SLC9A9: variants seen among roughly 807,000 people sequenced by gnomAD.
The protein encoded by SLC9A9 is sodium/hydrogen exchanger 9.
Under a neutral mutation model 77.8 loss-of-function variants are expected in SLC9A9, and 62 were observed. The observed-to-expected ratio is 0.80, with a 90% CI of 0.65 to 0.98. SLC9A9 has a LOEUF of 0.98. Among genes scored for constraint, SLC9A9 ranks in the 50% least tolerant of loss-of-function variants. The pLI, the probability that SLC9A9 is intolerant of heterozygous loss-of-function variation, is 0.00. For missense variants in SLC9A9, 775 were observed against 774.9 expected (o/e 1.00, Z 0.00); for synonymous variants, 320 against 283.5 (o/e 1.13, Z -1.29).
chr3:143,333,982 C>T (rs1238128250), intron 14 of SLC9A9, among the ~76,000 whole-genome samples: 1 of 152,148 alleles, frequency 6.6e-6, no homozygotes, highest in Non-Finnish European at 1.5e-5. Flanking sequence ...TCCATCCCAA[C>T]TTTGATTAGA....
intron 14 of SLC9A9, among the ~76,000 whole-genome samples, chr3:143,323,940 AAAGGTTACCTAATTTTCCAATTATTTAGT>A (rs1252626335): frequency 2.6e-5 from 4 of 152,158 alleles, no homozygotes; most frequent in African/African-American, 9.7e-5. Context: ...AGTTTAAGAA[AAAGGTTACCTAATTTTCCAATTATTTAGT>A]TGGTCATATA....
chr3:143,639,537 A>G (rs2038585751), intron 6 of SLC9A9, among the ~76,000 whole-genome samples: 1 of 152,224 alleles, frequency 6.6e-6, no homozygotes, highest in Admixed American at 6.5e-5. Context: ...GGGTAGTCAT[A>G]AAAGAATCAC....
chr3:143,366,233 G>T (rs2032898190), intron 13 of SLC9A9, among the ~76,000 whole-genome samples: 1 of 152,168 alleles, frequency 6.6e-6, no homozygotes, highest in Admixed American at 6.5e-5. Context: ...CTCCCAGGCA[G>T]AATGCTAGTC....
At position 143,658,514 on chromosome 3, in the gene SLC9A9, T is replaced by G. The variant is rs560674905; in HGVS notation, c.650-6154A>C. On this transcript the variant is annotated intron_variant, in intron 5 of 15. Transcript: ENST00000316549. ...ACTTTTAAATGAGGAAAATTATTCT[T>G]TTTACATTAACTCCACTGTCACATT... 4.0e-3 allele frequency among the ~76,000 whole-genome samples: 603 copies of G among 152,328 alleles called. 4 individuals carry two copies. Among genetic ancestry groups the G allele is most frequent in the African/African-American group, 0.013 (559 of 41,570 alleles).
intron 9 of SLC9A9, among the ~76,000 whole-genome samples, chr3:143,530,013 C>T (rs2036477152): frequency 6.6e-6 from 1 of 152,120 alleles, no homozygotes. Context: ...TATTAGAACC[C>T]TGGGAAAGCA....
chr3:143,685,869 A>C (rs762899458), intron 5 of SLC9A9, among the ~76,000 whole-genome samples: 8 of 152,214 alleles, frequency 5.3e-5, no homozygotes, highest in Non-Finnish European at 1.2e-4. Flanking sequence ...ATGTTCAGCC[A>C]CTGACCACCA....
intron 6 of SLC9A9, among the ~76,000 whole-genome samples, chr3:143,581,164 T>A (rs1175662721): frequency 6.6e-6 from 1 of 152,178 alleles, no homozygotes; most frequent in East Asian, 1.9e-4. Flanking sequence ...CAAGGTAGCA[T>A]GTCATCAGAC....
In SLC9A9 at chr3:143,363,518, G is replaced by A. The variant is rs574582502; in HGVS notation, c.1570C>T (p.Arg524Trp). The change falls in exon 14 of 16, where the codon CGG becomes TGG. Residue 524 changes from arginine to tryptophan, a missense_variant. Coordinates refer to ENST00000316549, the MANE Select transcript of SLC9A9 (RefSeq NM_173653.4). ...DKNMTKAESA[R>W]LFRMWYSFDH... ...AAGCTATACCACATTCTGAAGAGCCGAGCACTCTCTGCTTTCGTCATGTTT... is the reference window on the plus strand; with the variant it reads ...AAGCTATACCACATTCTGAAGAGCCAAGCACTCTCTGCTTTCGTCATGTTT... The A allele has an allele frequency of 6.3e-5, 101 of 1,613,004 alleles. 1 individual carries two copies. In the South Asian group the frequency reaches 6.9e-4, roughly 11 times the overall value.
At chr3:143,451,817 C>A (rs146479148) in intron 12 of SLC9A9, among the ~76,000 whole-genome samples, 10 of 152,088 alleles carry the variant, frequency 6.6e-5, no homozygotes, top group African/African-American at 2.4e-4. Flanking sequence ...ATCAGAGTAA[C>A]GCAAAGGCAA....
chr3:143,750,524 A>G (rs1255153254), intron 4 of SLC9A9, among the ~76,000 whole-genome samples: 1 of 152,186 alleles, frequency 6.6e-6, no homozygotes, highest in African/African-American at 2.4e-5. Flanking sequence ...GCTCTGACAT[A>G]AACATTAATC....
chr3:143,464,673 G>A (rs1346387595), intron 12 of SLC9A9, among the ~76,000 whole-genome samples: 1 of 152,120 alleles, frequency 6.6e-6, no homozygotes, highest in African/African-American at 2.4e-5. Context: ...GTGGCCCTGG[G>A]ACCAGCAACA....
chr3:143,779,699 A>G (rs1257263308), intron 4 of SLC9A9, among the ~76,000 whole-genome samples: 2 of 152,224 alleles, frequency 1.3e-5, no homozygotes, highest in Non-Finnish European at 2.9e-5. Flanking sequence ...TGCATAAAGT[A>G]TGATAATTCC....
intron 9 of SLC9A9, among the ~76,000 whole-genome samples, chr3:143,512,359 T>C (rs1360484004): frequency 6.6e-6 from 1 of 152,168 alleles, no homozygotes; most frequent in Non-Finnish European, 1.5e-5. Context: ...GTTAACTACT[T>C]AAAATGAAAA....
chr3:143,443,345 T>A (rs973325780), intron 12 of SLC9A9, among the ~76,000 whole-genome samples: 3 of 152,066 alleles, frequency 2.0e-5, no homozygotes, highest in African/African-American at 7.2e-5. Context: ...TTTTTTTTTT[T>A]AAAGGTTTTC....
chr3:143,338,613 C>A (rs552436225), intron 14 of SLC9A9, among the ~76,000 whole-genome samples: 34 of 152,142 alleles, frequency 2.2e-4, no homozygotes, highest in African/African-American at 8.2e-4. Flanking sequence ...ACCCCAGTGG[C>A]CTTACAGGTG....
Position 143,461,130 on chromosome 3 carries a change from A to T in SLC9A9, c.1469+5907T>A, listed in dbSNP as rs114919971. 7.3e-3 allele frequency among the ~76,000 whole-genome samples: 1,108 copies of T among 152,334 alleles called. 7 individuals carry two copies. Among genetic ancestry groups the T allele is most frequent in the Non-Finnish European group, 0.012 (797 of 68,026 alleles). ...AGCTTGATGAAATGTTACAAATTAAATATCTAAAAAGTTCCCAAGCAAAGA... is the reference window on the plus strand; with the variant it reads ...AGCTTGATGAAATGTTACAAATTAATTATCTAAAAAGTTCCCAAGCAAAGA... On this transcript the variant is annotated intron_variant, in intron 12 of 15. Transcript: ENST00000316549.
intron 9 of SLC9A9, among the ~76,000 whole-genome samples, chr3:143,538,024 G>A (rs1321209547): frequency 2.0e-5 from 3 of 152,010 alleles, no homozygotes; most frequent in Non-Finnish European, 2.9e-5. Context: ...CTTCTTTTGG[G>A]TTGCCTAGGC....
intron 5 of SLC9A9, among the ~76,000 whole-genome samples, chr3:143,664,853 C>T (rs774430885): frequency 6.6e-6 from 1 of 152,194 alleles, no homozygotes; most frequent in Non-Finnish European, 1.5e-5. Context: ...TAGAGACATA[C>T]AAAGAGACTT....
At chr3:143,447,390 T>C (rs2034865175) in intron 12 of SLC9A9, among the ~76,000 whole-genome samples, 1 of 152,218 alleles carries the variant, frequency 6.6e-6, no homozygotes, top group Non-Finnish European at 1.5e-5. Context: ...TTTTACAAAA[T>C]ACATTTACTC....
Sources: allele counts gnomAD v4.1 joint callset (sites outside exome capture counted in the v4.1 genomes callset), GRCh38; gene constraint gnomAD v4.1.1; transcripts MANE v1.5; gene names NCBI Gene and HGNC (gene_info 2026-07-23, HGNC 2026-07-21).